GRIP1: variants seen among roughly 807,000 people sequenced by gnomAD.
GRIP1 encodes the protein glutamate receptor interacting protein 1.
Under a neutral mutation model 129.9 loss-of-function variants are expected in GRIP1, and 45 were observed. That is an observed-to-expected ratio of 0.35 (90% CI 0.27 to 0.44). The LOEUF (loss-of-function observed/expected upper bound fraction) is 0.44. GRIP1 is among the 20% of genes least tolerant of loss of function. The pLI, the probability that GRIP1 is intolerant of heterozygous loss-of-function variation, is 1.00. For synonymous variants in GRIP1, 530 were observed against 520.8 expected, an observed-to-expected ratio of 1.02 and a Z score of -0.24; for missense variants, 1,196 against 1,396.8, an observed-to-expected ratio of 0.86 and a Z score of 2.29.
chr12:66,943,269 G>T (rs1176105423), intron 1 of GRIP1, among the ~76,000 whole-genome samples: 1 of 152,128 alleles, frequency 6.6e-6, no homozygotes, highest in African/African-American at 2.4e-5. Flanking sequence ...TGAACAGCAG[G>T]GGGCCTAGCA....
At chr12:66,431,984 G>C (rs1458674586) in intron 14 of GRIP1, among the ~76,000 whole-genome samples, 2 of 152,126 alleles carry the variant, frequency 1.3e-5, no homozygotes, top group Non-Finnish European at 2.9e-5. Flanking sequence ...TTTTAGTCTT[G>C]TGAAAAGGAT....
At position 66,649,141 on chromosome 12, in the gene GRIP1, A is replaced by G. The variant is rs373611055; in HGVS notation, c.55+29709T>C. On this transcript the variant is annotated intron_variant, in intron 1 of 24. Transcript: ENST00000359742. The stretch of plus-strand genomic sequence containing the variant: ...ATTTCTTAACTGTATATCAAATAAA[A>G]TTGCAGATTGTTCAGATATTTTCCC... Among the ~76,000 whole-genome samples, 24 of 152,310 alleles carry G rather than the reference A, an allele frequency of 1.6e-4. No individual in the cohort carries two copies. The East Asian group carries it at 4.4e-3, about 28-fold the overall frequency.
intron 23 of GRIP1, among the ~76,000 whole-genome samples, chr12:66,365,100 T>C (rs996656867): frequency 6.6e-6 from 1 of 152,226 alleles, no homozygotes; most frequent in Non-Finnish European, 1.5e-5. Flanking sequence ...TAGATGTATA[T>C]AATTATTATG....
chr12:66,769,100 G>C (rs141118571), intron 1 of GRIP1, among the ~76,000 whole-genome samples: 2 of 152,242 alleles, frequency 1.3e-5, no homozygotes, highest in Non-Finnish European at 2.9e-5. Context: ...AGTTTCTGAC[G>C]CAGTAGGTTT....
chr12:66,453,854 C>A (rs1225536562), intron 11 of GRIP1, among the ~76,000 whole-genome samples: 1 of 152,168 alleles, frequency 6.6e-6, no homozygotes, highest in Non-Finnish European at 1.5e-5. Flanking sequence ...AGCCTGGTTC[C>A]AGAGTCTAGG....
chr12:66,361,109 TAC>T (rs1322615684), intron 23 of GRIP1, among the ~76,000 whole-genome samples: 5 of 152,172 alleles, frequency 3.3e-5, no homozygotes, highest in Non-Finnish European at 2.9e-5. Flanking sequence ...CGAAATAGAA[TAC>T]AGTCTTCTAA....
At chr12:66,642,119 T>G (rs186155228) in intron 1 of GRIP1, among the ~76,000 whole-genome samples, 10 of 152,270 alleles carry the variant, frequency 6.6e-5, no homozygotes, top group African/African-American at 2.4e-4. Flanking sequence ...AATATAGTGT[T>G]AAATGCCATC....
At chr12:66,411,345 T>C (rs1430432441) in intron 15 of GRIP1, among the ~76,000 whole-genome samples, 1 of 152,100 alleles carries the variant, frequency 6.6e-6, no homozygotes, top group Non-Finnish European at 1.5e-5. Flanking sequence ...GCTTGGGGTC[T>C]GGAGTAGACC....
At chr12:66,569,066 T>C (rs1439510516) in intron 2 of GRIP1, 9 of 258,104 alleles carry the variant, frequency 3.5e-5, no homozygotes, top group African/African-American at 6.9e-5. Flanking sequence ...CAGTGTTTCA[T>C]TGATTCCACC....
In GRIP1 at chr12:67,065,804, A is replaced by T. The variant is rs145153168; in HGVS notation, c.58+3246T>A. Among the ~76,000 whole-genome samples, 1,064 of 152,330 alleles carry T rather than the reference A, an allele frequency of 7.0e-3. 15 individuals are homozygous for T. Among genetic ancestry groups the T allele is most frequent in the African/African-American group, 0.023 (972 of 41,580 alleles). On this transcript the variant is annotated intron_variant, in intron 1 of 1. Transcript: ENST00000643019. ...CTTTATACTAAGAATTTTCTCAACAACTATTTTCTTATTACACATGATCAG... is the reference window on the plus strand; with the variant it reads ...CTTTATACTAAGAATTTTCTCAACATCTATTTTCTTATTACACATGATCAG...
intron 1 of GRIP1, among the ~76,000 whole-genome samples, chr12:66,606,479 G>T (rs1361429176): frequency 6.6e-6 from 1 of 152,054 alleles, no homozygotes; most frequent in Non-Finnish European, 1.5e-5. Flanking sequence ...TCAACCAGAA[G>T]CCTTTTTAAT....
rs191653031 is a variant in GRIP1 at position 66,688,345 on chromosome 12, G to T, written c.-419-58009C>A. 1.2e-4 allele frequency among the ~76,000 whole-genome samples: 18 copies of T among 152,220 alleles called. No homozygotes were observed. In the East Asian group the frequency reaches 3.5e-3, roughly 29 times the overall value. ...ACCAATTTCACTGGGCTGCTGTGAT[G>T]ATCAAATTAGATAATAAATAAGAAA... On this transcript the variant is annotated intron_variant, in intron 1 of 4. Transcript: ENST00000538373.
intron 5 of GRIP1, among the ~76,000 whole-genome samples, chr12:66,521,283 T>G (rs1177185343): frequency 6.6e-6 from 1 of 152,252 alleles, no homozygotes. Flanking sequence ...GATTGATTTG[T>G]TAAGTGACTG....
chr12:66,447,877 C>T (rs1413228831), intron 11 of GRIP1, among the ~76,000 whole-genome samples: 1 of 152,224 alleles, frequency 6.6e-6, no homozygotes, highest in Non-Finnish European at 1.5e-5. Context: ...GCCTCATCTG[C>T]TCTAGCTGGC....
intron 23 of GRIP1, among the ~76,000 whole-genome samples, chr12:66,370,662 C>G (rs745722765): frequency 2.0e-5 from 3 of 152,138 alleles, no homozygotes; most frequent in Non-Finnish European, 4.4e-5. Context: ...AGATTGTTAC[C>G]ATTTTATACA....
At chr12:66,750,795 G>A (rs10784580) in intron 1 of GRIP1, among the ~76,000 whole-genome samples, 39,173 of 152,046 alleles carry the variant, frequency 0.26, 6,080 homozygotes, top group Non-Finnish European at 0.35. Context: ...CAGCAATAGA[G>A]TTTCATAAAA....
intron 1 of GRIP1, among the ~76,000 whole-genome samples, chr12:66,970,422 C>T (rs1330099783): frequency 6.6e-6 from 1 of 152,064 alleles, no homozygotes; most frequent in Non-Finnish European, 1.5e-5. Flanking sequence ...CATGATGTAT[C>T]AGATAACAGG....
chr12:66,589,446 A>C (rs2063772904), intron 2 of GRIP1, among the ~76,000 whole-genome samples: 1 of 152,172 alleles, frequency 6.6e-6, no homozygotes, highest in Non-Finnish European at 1.5e-5. Context: ...CTTACTGACT[A>C]CTGACAAAGT....
At chr12:67,013,768 G>C (rs1479045418) in intron 1 of GRIP1, among the ~76,000 whole-genome samples, 1 of 152,180 alleles carries the variant, frequency 6.6e-6, no homozygotes, top group Non-Finnish European at 1.5e-5. Flanking sequence ...ATTTTATCTG[G>C]ATGGGATAGA....
Sources: allele counts gnomAD v4.1 joint callset (sites outside exome capture counted in the v4.1 genomes callset), GRCh38; gene constraint gnomAD v4.1.1; transcripts MANE v1.5; gene names NCBI Gene and HGNC (gene_info 2026-07-23, HGNC 2026-07-21).